The following PARD6G variants were observed in gnomAD, a reference collection of about 807,000 sequenced individuals.
PARD6G encodes the protein partitioning defective 6 homolog gamma.
In PARD6G, 7 loss-of-function variants were observed where a neutral mutation model predicts 10.7. The observed-to-expected ratio is 0.66, with a 90% CI of 0.37 to 1.23. The LOEUF is 1.23. Ranked by LOEUF, PARD6G falls within the 50% of genes most tolerant of loss-of-function variation. The pLI is 0.02. For synonymous variants in PARD6G, 287 were observed against 269.4 expected, an observed-to-expected ratio of 1.07 and a Z score of -0.64; for missense variants, 548 against 571.8, an observed-to-expected ratio of 0.96 and a Z score of 0.42.
intron 2 of PARD6G, among the ~76,000 whole-genome samples, chr18:80,173,796 G>A (rs1389868183): frequency 6.6e-6 from 1 of 152,168 alleles, no homozygotes; most frequent in Non-Finnish European, 1.5e-5. Flanking sequence ...AAAAGGAAAT[G>A]GTGTCTCAGC....
intron 1 of PARD6G, among the ~76,000 whole-genome samples, chr18:80,222,234 G>A (rs140815570): frequency 0.018 from 2,704 of 152,028 alleles, 81 homozygotes; most frequent in African/African-American, 0.063. Flanking sequence ...ACAGGCATGC[G>A]CCGCCACACC....
chr18:80,232,455 C>T (rs1223073369), intron 1 of PARD6G, among the ~76,000 whole-genome samples: 2 of 152,080 alleles, frequency 1.3e-5, no homozygotes, highest in South Asian at 2.1e-4. Flanking sequence ...GGGGAGGCCT[C>T]AGAATCATGG....
intron 1 of PARD6G, among the ~76,000 whole-genome samples, chr18:80,236,441 C>T (rs185193546): frequency 2.0e-5 from 3 of 152,254 alleles, no homozygotes; most frequent in South Asian, 4.1e-4. Context: ...AAAACTGGCA[C>T]AAGACAGGGA....
At chr18:80,208,155 T>C (rs1345993375) in intron 1 of PARD6G, among the ~76,000 whole-genome samples, 1 of 152,224 alleles carries the variant, frequency 6.6e-6, no homozygotes, top group Non-Finnish European at 1.5e-5. Flanking sequence ...TTTCACTGGC[T>C]GTATTTAGAA....
At position 80,189,153 on chromosome 18, in the gene PARD6G, C is replaced by T. The variant is rs2052894719; in HGVS notation, c.295+13557G>A. On this transcript the variant is annotated intron_variant, in intron 2 of 2. Transcript: ENST00000353265. The surrounding 1 kb of genome is among the most constrained non-coding windows in gnomAD (Gnocchi z 5.5). ...GAGAGCACAACTGTAATTGAAACAA[C>T]CAGAAATAACCGTTGGCAGAAAAGC... The T allele has an allele frequency of 1.3e-5, 2 of 152,262 alleles. No homozygotes were observed. The highest frequency in any genetic ancestry group is 4.1e-4 in the South Asian group (2 of 4,834). 9.4% of individuals were successfully genotyped at this position (152,262 alleles called of 1,614,324 possible).
chr18:80,227,626 T>C (rs569900002), intron 1 of PARD6G, among the ~76,000 whole-genome samples: 1 of 152,238 alleles, frequency 6.6e-6, no homozygotes, highest in Non-Finnish European at 1.5e-5. Context: ...CTGGTCAAAC[T>C]TGAGTGGCAG....
intron 1 of PARD6G, among the ~76,000 whole-genome samples, chr18:80,213,161 C>A (rs1290711586): frequency 2.0e-5 from 3 of 152,100 alleles, no homozygotes; most frequent in Non-Finnish European, 4.4e-5. Context: ...CTGAACTGTA[C>A]ACATAAAAAT....
chr18:80,244,120 C>A (rs778242251), intron 1 of PARD6G, among the ~76,000 whole-genome samples: 2 of 152,186 alleles, frequency 1.3e-5, no homozygotes, highest in Non-Finnish European at 2.9e-5. Context: ...GATCCCAGCA[C>A]TGGCTTTTCC....
At chr18:80,165,303 C>T (rs1467983069) in intron 2 of PARD6G, among the ~76,000 whole-genome samples, 1 of 152,168 alleles carries the variant, frequency 6.6e-6, no homozygotes, top group Non-Finnish European at 1.5e-5. Flanking sequence ...ATTTAGTGAT[C>T]TCTCTCCTAC....
At chr18:80,172,379 CTTT>C (rs796958659) in intron 2 of PARD6G, among the ~76,000 whole-genome samples, 8 of 134,894 alleles carry the variant, frequency 5.9e-5, no homozygotes, top group Admixed American at 1.5e-4. Flanking sequence ...GGTTGTATGT[CTTT>C]TTTTTTTTTT....
chr18:80,243,384 C>A (rs558082469), intron 1 of PARD6G, among the ~76,000 whole-genome samples: 1 of 152,114 alleles, frequency 6.6e-6, no homozygotes, highest in Non-Finnish European at 1.5e-5. Flanking sequence ...CACAAGAATG[C>A]GTGCATCATA....
In PARD6G at chr18:80,246,012, C is replaced by T. The variant is rs1355483775; in HGVS notation, c.72+1265G>A. 6.6e-6 allele frequency among the ~76,000 whole-genome samples: 1 copy of T among 152,160 alleles called. No homozygotes were observed. Among genetic ancestry groups the T allele is most frequent in the East Asian group, 1.9e-4 (1 of 5,190 alleles). On this transcript the variant is annotated intron_variant, in intron 1 of 2. Transcript: ENST00000353265. This position sits in a 1 kb window ranked among gnomAD's most constrained non-coding sequence, Gnocchi z 6.7. Reference sequence around the variant, plus strand: ...GCTGGGACACCTCCCCGCCTCAATCCTCTGCAGACACCCTGGAAATCCTAC... The same window carrying T: ...GCTGGGACACCTCCCCGCCTCAATCTTCTGCAGACACCCTGGAAATCCTAC...
intron 1 of PARD6G, among the ~76,000 whole-genome samples, chr18:80,220,872 C>A (rs1190979014): frequency 6.6e-6 from 1 of 152,028 alleles, no homozygotes; most frequent in Non-Finnish European, 1.5e-5. Context: ...CCTGTCTCAG[C>A]CTCCTAAAAG....
At position 80,182,318 on chromosome 18, in the gene PARD6G, C is replaced by T. The variant is rs1431092918; in HGVS notation, c.295+20392G>A. ...GATGCCTGTGTGCCTGAAGGCAGCTCCTGCCCCCAGTATCCACAAGGAGGG... is the reference window on the plus strand; with the variant it reads ...GATGCCTGTGTGCCTGAAGGCAGCTTCTGCCCCCAGTATCCACAAGGAGGG... On this transcript the variant is annotated intron_variant, in intron 2 of 2. Coordinates refer to ENST00000353265, the MANE Select transcript of PARD6G (RefSeq NM_032510.4). This position sits in a 1 kb window ranked among gnomAD's most constrained non-coding sequence, Gnocchi z 4.5. Among the ~76,000 whole-genome samples the T allele has an allele frequency of 6.6e-6, 1 of 152,226 alleles. No homozygotes were observed. Among genetic ancestry groups the T allele is most frequent in the East Asian group, 1.9e-4 (1 of 5,198 alleles).
At position 80,205,755 on chromosome 18, in the gene PARD6G, T is replaced by G. The variant is rs142921290; in HGVS notation, c.73-2823A>C. On this transcript the variant is annotated intron_variant, in intron 1 of 2. Transcript: ENST00000353265. ...TGGAACCGTGAGCCAATTAAGTCTC[T>G]TTTCTTTATAAACCACCCAGTCTGT... Among the ~76,000 whole-genome samples the G allele has an allele frequency of 3.4e-3, 514 of 152,350 alleles. 5 individuals are homozygous for G. Among genetic ancestry groups the G allele is most frequent in the Middle Eastern group, 0.014 (4 of 294 alleles).
intron 1 of PARD6G, among the ~76,000 whole-genome samples, chr18:80,241,114 G>A (rs1967485278): frequency 6.6e-6 from 1 of 152,174 alleles, no homozygotes; most frequent in African/African-American, 2.4e-5. Flanking sequence ...AACCCTCCCA[G>A]CTGTTTCTTG....
chr18:80,242,609 G>A (rs1301141311), intron 1 of PARD6G, among the ~76,000 whole-genome samples: 1 of 152,212 alleles, frequency 6.6e-6, no homozygotes, highest in African/African-American at 2.4e-5. Flanking sequence ...CAAGTTTAAT[G>A]CCTGGGGGCA....
intron 1 of PARD6G, among the ~76,000 whole-genome samples, chr18:80,235,542 A>G (rs1430949257): frequency 6.6e-6 from 1 of 152,136 alleles, no homozygotes; most frequent in African/African-American, 2.4e-5. Context: ...GACACAAAAA[A>G]CCCTTCAAAA....
At chr18:80,166,420 T>C (rs1413047647) in intron 2 of PARD6G, among the ~76,000 whole-genome samples, 1 of 151,390 alleles carries the variant, frequency 6.6e-6, no homozygotes, top group Non-Finnish European at 1.5e-5. Context: ...ACACTGCTGG[T>C]GTGACCCTCG....
Sources: allele counts gnomAD v4.1 joint callset (sites outside exome capture counted in the v4.1 genomes callset), GRCh38; gene constraint gnomAD v4.1.1; non-coding constraint Gnocchi (gnomAD v3.1); transcripts MANE v1.5; gene names NCBI Gene and HGNC (gene_info 2026-07-23, HGNC 2026-07-21).